Variants in CLPSL1 observed in about 807,000 individuals in gnomAD.
CLPSL1 encodes colipase-like protein 1.
CLPSL1 carries 13 observed loss-of-function variants against 9.3 expected under a neutral mutation model. That is an observed-to-expected ratio of 1.40 (90% confidence interval 0.91 to 2.22). The LOEUF is 2.22. Ranked by LOEUF, CLPSL1 falls within the 30% of genes most tolerant of loss-of-function variation. The pLI is 0.00. For synonymous variants in CLPSL1, 58 were observed against 56.9 expected (o/e 1.02, Z -0.08); for missense variants, 164 against 146.6 (o/e 1.12, Z -0.61).
chr6:35,781,574 G>A (rs1367567345), intron 1 of CLPSL1, among the ~76,000 whole-genome samples: 1 of 151,970 alleles, frequency 6.6e-6, no homozygotes, highest in Non-Finnish European at 1.5e-5. Context: ...AAAAATCCTT[G>A]CCCTTGTAGA....
chr6:35,785,169 T>A (rs915144606), intron 1 of CLPSL1, among the ~76,000 whole-genome samples: 6 of 135,614 alleles, frequency 4.4e-5, no homozygotes, highest in African/African-American at 1.4e-4. Flanking sequence ...AGTGTGCCCC[T>A]GGAAATTTTT....
downstream of CLPSL1, among the ~76,000 whole-genome samples, chr6:35,791,741 G>A (rs6908914): frequency 0.071 from 10,741 of 150,278 alleles, 361 homozygotes; most frequent in African/African-American, 0.16. Flanking sequence ...GACCAGTGTG[G>A]GCATCATGGT....
downstream of CLPSL1, among the ~76,000 whole-genome samples, chr6:35,791,285 A>G (rs1203605230): frequency 2.0e-5 from 3 of 152,350 alleles, no homozygotes; most frequent in Non-Finnish European, 4.4e-5. Flanking sequence ...TGATAAACAC[A>G]TTGTTTAAGT....
chr6:35,785,301 C>T (rs952982377), intron 1 of CLPSL1, among the ~76,000 whole-genome samples: 4 of 151,698 alleles, frequency 2.6e-5, no homozygotes, highest in African/African-American at 7.3e-5. Context: ...CCTCAGCCTC[C>T]CAAGTAGCTG....
At chr6:35,781,328 G>A (rs1354178617) in intron 1 of CLPSL1, 119 bp downstream of exon 1, 1 of 1,410,054 alleles carries the variant, frequency 7.1e-7, no homozygotes. Context: ...GGGGCAGCAG[G>A]GAGTGTTGGG....
chr6:35,783,588 C>T lies in CLPSL1; in HGVS notation c.99+2379C>T, dbSNP rs571353812. On this transcript the variant is annotated intron_variant, in intron 1 of 2. Transcript: ENST00000373861. ...TTGGGAGGCCGAGGCAGGCAGATCACGAGGTCAGGAGATCAAGACCATCCT... is the reference window on the plus strand; with the variant it reads ...TTGGGAGGCCGAGGCAGGCAGATCATGAGGTCAGGAGATCAAGACCATCCT... 1.3e-3 allele frequency among the ~76,000 whole-genome samples: 190 copies of T among 151,880 alleles called. 2 individuals carry two copies. Among genetic ancestry groups the T allele is most frequent in the African/African-American group, 4.2e-3 (173 of 41,438 alleles).
chr6:35,786,852 G>A (rs1190359809), intron 1 of CLPSL1, 146 bp from the exon 2 acceptor site: 1 of 1,067,940 alleles, frequency 9.4e-7, no homozygotes, highest in Non-Finnish European at 1.3e-6. Context: ...CGGCCCCCAC[G>A]TAGAGACCAC....
At chr6:35,781,728 G>GT (rs36009111) in intron 1 of CLPSL1, among the ~76,000 whole-genome samples, 265 of 141,074 alleles carry the variant, frequency 1.9e-3, no homozygotes, top group South Asian at 5.9e-3. Context: ...GTTTGCAGGT[G>GT]TTTTTTTTTT....
At chr6:35,786,897 C>A in intron 1 of CLPSL1, 101 bp from the exon 2 acceptor site, 1 of 1,405,918 alleles carries the variant, frequency 7.1e-7, no homozygotes, top group Non-Finnish European at 9.7e-7. Context: ...ATGGTGGGAG[C>A]AGAGTCTGGG....
rs1462603452 is a variant in CLPSL1 at position 35,787,072 on chromosome 6, G to A, written c.174G>A (p.Glu58=). 1 of 1,608,466 alleles carries A rather than the reference G, an allele frequency of 6.2e-7. No homozygotes were observed. The highest frequency in any genetic ancestry group is 1.1e-5 in the South Asian group (1 of 89,488). The part of the protein sequence containing the change: ...GCCQRAPDNC[E]SHCAEKGSEG... The stretch of plus-strand genomic sequence containing the variant: ...GCCAACGTGCTCCAGACAATTGCGA[G>A]TCGCACTGCGCGGAGAAGGGGTCCG... The change falls in exon 2 of 3, where the codon GAG becomes GAA. Residue 58 remains glutamate, a synonymous_variant. Transcript: ENST00000373861.
rs569247743 is a variant in CLPSL1, at chr6:35,788,055, T to C, written c.*45T>C. 1.2e-5 allele frequency: 18 copies of C among 1,451,396 alleles called. No individual in the cohort carries two copies. Among genetic ancestry groups the C allele is most frequent in the Admixed American group, 1.7e-5 (1 of 59,504 alleles). The allele number at this position is 1,451,396 out of a possible 1,614,324, so 89.9% of individuals were successfully genotyped here. A position where few individuals can be genotyped will look rare whatever the true frequency, so the allele number is the denominator to read the frequency against. On this transcript the variant is annotated 3_prime_UTR_variant, in exon 3 of 3. Coordinates refer to ENST00000373861, the MANE Select transcript of CLPSL1 (RefSeq NM_001010886.5). ...CCTCCTCCTCCTCCACCTGCTCTCC[T>C]CCCTACCCAGAGCTCTGTGTTCACC...
downstream of CLPSL1, among the ~76,000 whole-genome samples, chr6:35,790,058 CT>C (rs1406497871): frequency 6.6e-6 from 1 of 152,212 alleles, no homozygotes; most frequent in Non-Finnish European, 1.5e-5. Context: ...TCCTGAGTAA[CT>C]GGGACCACAG....
At chr6:35,787,786 C>T (rs1768111718) in intron 2 of CLPSL1, 81 bp from the exon 3 acceptor site, 4 of 1,371,224 alleles carry the variant, frequency 2.9e-6, no homozygotes, top group Non-Finnish European at 4.1e-6. Flanking sequence ...GCACATGGGC[C>T]CTGGAGCTGG....
At chr6:35,793,150 G>T (rs567314200), downstream of CLPSL1, among the ~76,000 whole-genome samples, 26 of 152,268 alleles carry the variant, frequency 1.7e-4, no homozygotes, top group African/African-American at 5.3e-4. Context: ...TGGTCCAGGT[G>T]CCATGGTTCA....
At chr6:35,789,146 A>G (rs1156312985), downstream of CLPSL1, among the ~76,000 whole-genome samples, 2 of 152,282 alleles carry the variant, frequency 1.3e-5, no homozygotes, top group Admixed American at 1.3e-4. Context: ...CCCCATTCAG[A>G]GAAAACCTAT....
intron 1 of CLPSL1, among the ~76,000 whole-genome samples, chr6:35,786,779 G>A (rs1269015635): frequency 6.6e-6 from 1 of 152,258 alleles, no homozygotes; most frequent in Non-Finnish European, 1.5e-5. Flanking sequence ...AGGACACCAA[G>A]AGTAAACCTT....
intron 2 of CLPSL1, 29 bp from the exon 3 acceptor site, chr6:35,787,838 G>T: frequency 6.2e-7 from 1 of 1,602,222 alleles, no homozygotes; most frequent in Non-Finnish European, 8.5e-7. Flanking sequence ...CTGCCGCCAA[G>T]GTCGAGGTCA....
At chr6:35,787,841 C>A (rs57267367) in intron 2 of CLPSL1, 26 bp from the exon 3 acceptor site, 256 of 1,601,444 alleles carry the variant, frequency 1.6e-4, no homozygotes, top group Non-Finnish European at 2.0e-4. Context: ...CCGCCAAGGT[C>A]GAGGTCAAAG....
chr6:35,792,610 C>T (rs116682218), downstream of CLPSL1, among the ~76,000 whole-genome samples: 1,978 of 152,108 alleles, frequency 0.013, 28 homozygotes, highest in African/African-American at 0.044. Flanking sequence ...GAGCACTGGC[C>T]GTTGGAAATA....
Sources: allele counts gnomAD v4.1 joint callset (sites outside exome capture counted in the v4.1 genomes callset), GRCh38; gene constraint gnomAD v4.1.1; transcripts MANE v1.5; gene names NCBI Gene and HGNC (gene_info 2026-07-23, HGNC 2026-07-21).